PGGT1B: variants seen among roughly 807,000 people sequenced by gnomAD.
The protein encoded by PGGT1B is geranylgeranyl transferase type-1 subunit beta.
In PGGT1B, 30 loss-of-function variants were observed where a neutral mutation model predicts 46.1. The ratio of observed to expected loss-of-function variants is 0.65; its 90% confidence interval spans 0.49 to 0.88. The LOEUF (loss-of-function observed/expected upper bound fraction) is 0.88, where lower values mean the gene tolerates loss of function less well. Ranked by LOEUF, PGGT1B falls within the 40% of genes least tolerant of loss-of-function variation. The probability of loss-of-function intolerance (pLI) is 0.00; values close to 1 mark genes in which losing one functional copy is unlikely to be tolerated. For synonymous variants in PGGT1B, 170 were observed against 160.0 expected, an observed-to-expected ratio of 1.06 and a Z score of -0.47; for missense variants, 376 against 455.9, an observed-to-expected ratio of 0.82 and a Z score of 1.60.
chr5:115,235,570 T>C (rs1214590056), intron 5 of PGGT1B, among the ~76,000 whole-genome samples: 2 of 152,072 alleles, frequency 1.3e-5, no homozygotes, highest in Middle Eastern at 3.2e-3. Flanking sequence ...CCAAATACAG[T>C]GCACTGAGAA....
intron 5 of PGGT1B, chr5:115,231,871 A>G (rs1250152126): frequency 6.6e-6 from 1 of 152,074 alleles, no homozygotes; most frequent in Non-Finnish European, 1.5e-5. Flanking sequence ...AAAAAGTACA[A>G]AACTCCGTTG....
At chr5:115,252,023 G>A (rs984517334) in intron 2 of PGGT1B, among the ~76,000 whole-genome samples, 6 of 152,104 alleles carry the variant, frequency 3.9e-5, no homozygotes, top group African/African-American at 1.4e-4. Flanking sequence ...CCTGGAAAAT[G>A]AGGACCATAA....
intron 2 of PGGT1B, among the ~76,000 whole-genome samples, chr5:115,247,276 T>G (rs947231075): frequency 6.6e-6 from 1 of 151,500 alleles, no homozygotes. Flanking sequence ...ATCAGGGGAG[T>G]TGCTTTTCAT....
chr5:115,210,268 G>A lies in PGGT1B; in HGVS notation c.*2134C>T, dbSNP rs1299773831. The A allele has an allele frequency of 6.6e-6, 1 of 151,952 alleles. No homozygotes were observed. Among genetic ancestry groups the A allele is most frequent in the African/African-American group, 2.4e-5 (1 of 41,406 alleles). The allele number at this position is 151,952 out of a possible 1,614,324, so 9.4% of individuals were successfully genotyped here. ...AGGTAACAGAGCTTTTTGAGATTTC[G>A]GACTTCGTATTTTCCCTCATTACAT... is the stretch of plus-strand genomic sequence containing the variant. On this transcript the variant is annotated 3_prime_UTR_variant, in exon 9 of 9. Transcript: ENST00000419445.
At chr5:115,231,379 T>G (rs1180831155) in intron 5 of PGGT1B, among the ~76,000 whole-genome samples, 1 of 152,014 alleles carries the variant, frequency 6.6e-6, no homozygotes, top group Non-Finnish European at 1.5e-5. Context: ...TTCATACTGA[T>G]AGAACATTAT....
intron 8 of PGGT1B, among the ~76,000 whole-genome samples, chr5:115,212,996 A>T (rs935584273): frequency 6.6e-6 from 1 of 152,180 alleles, no homozygotes; most frequent in African/African-American, 2.4e-5. Flanking sequence ...AAACGAAAAC[A>T]AAACTCTGAA....
intron 5 of PGGT1B, 70 bp from the exon 6 acceptor site, chr5:115,231,091 C>T: frequency 1.3e-6 from 1 of 789,080 alleles, no homozygotes; most frequent in Non-Finnish European, 2.0e-6. Context: ...AATAAGTTGC[C>T]AATGAACTAA....
chr5:115,252,082 CTT>C (rs1489807421), intron 2 of PGGT1B, among the ~76,000 whole-genome samples: 2 of 152,068 alleles, frequency 1.3e-5, no homozygotes, highest in Non-Finnish European at 2.9e-5. Context: ...GAATAGTACT[CTT>C]AGCAGAAATT....
At chr5:115,245,576 G>C (rs1318460131) in intron 2 of PGGT1B, among the ~76,000 whole-genome samples, 3 of 152,180 alleles carry the variant, frequency 2.0e-5, no homozygotes, top group African/African-American at 7.2e-5. Context: ...GACATGTTTA[G>C]ATTGTACTTA....
At position 115,204,280 on chromosome 5, in the gene PGGT1B, C is replaced by G. The variant is rs1025162099; in HGVS notation, c.*8122G>C. ...TTGTTTAAAACACAAATGTCTAACCCTACCCCCAGAGTTTCTAATTCAGGA... is the reference window on the plus strand; with the variant it reads ...TTGTTTAAAACACAAATGTCTAACCGTACCCCCAGAGTTTCTAATTCAGGA... On this transcript the variant is annotated 3_prime_UTR_variant, in exon 9 of 9. Transcript: ENST00000419445. 2 of 152,156 alleles carry G rather than the reference C, an allele frequency of 1.3e-5. No individual in the cohort carries two copies. Among genetic ancestry groups the G allele is most frequent in the African/African-American group, 4.8e-5 (2 of 41,434 alleles). The allele number at this position is 152,156 out of a possible 1,614,324, so 9.4% of individuals were successfully genotyped here.
chr5:115,226,961 G>A (rs1756806106), intron 6 of PGGT1B, among the ~76,000 whole-genome samples: 1 of 151,972 alleles, frequency 6.6e-6, no homozygotes, highest in Non-Finnish European at 1.5e-5. Flanking sequence ...AAGTGGAAAG[G>A]AAGCATTTCA....
chr5:115,248,901 A>G (rs1249813798), intron 2 of PGGT1B, among the ~76,000 whole-genome samples: 1 of 152,210 alleles, frequency 6.6e-6, no homozygotes, highest in Non-Finnish European at 1.5e-5. Context: ...TGAAAATTAT[A>G]AAATAGTAAA....
At chr5:115,230,652 G>C (rs1403493343) in intron 6 of PGGT1B, among the ~76,000 whole-genome samples, 1 of 152,090 alleles carries the variant, frequency 6.6e-6, no homozygotes, top group Non-Finnish European at 1.5e-5. Context: ...TAGCCTTTTA[G>C]AGTTATGCCA....
At chr5:115,250,344 T>C (rs944665006) in intron 2 of PGGT1B, among the ~76,000 whole-genome samples, 3 of 152,064 alleles carry the variant, frequency 2.0e-5, no homozygotes, top group Non-Finnish European at 2.9e-5. Flanking sequence ...TGAAAATATA[T>C]AAAAGAGGAA....
chr5:115,207,359 C>T lies in PGGT1B; in HGVS notation c.*5043G>A, dbSNP rs1406680345. 3.3e-5 allele frequency: 5 copies of T among 151,388 alleles called. No individual in the cohort carries two copies. Among genetic ancestry groups the T allele is most frequent in the South Asian group, 4.2e-4 (2 of 4,804 alleles). 9.4% of individuals were successfully genotyped at this position (151,388 alleles called of 1,614,324 possible). ...TCATGAAACAGAACATTACCAGCAC[C>T]GCAGAGTCTCCCTTGTACCCTCTTT... On this transcript the variant is annotated 3_prime_UTR_variant, in exon 9 of 9. Coordinates refer to ENST00000419445, the MANE Select transcript of PGGT1B (RefSeq NM_005023.4).
At position 115,212,433 on chromosome 5, in the gene PGGT1B, T is replaced by C. The variant is rs777124866; in HGVS notation, c.1103A>G (p.Gln368Arg). The C allele has an allele frequency of 1.6e-5, 25 of 1,584,816 alleles. No homozygotes were observed. The highest frequency in any genetic ancestry group is 1.1e-4 in the East Asian group (5 of 43,588). ...GGAGATATGTACATTCTCTGAGCAT[T>C]GTTTAGAGTCCTTGGTTTTCCAGCT... ...HQSWKTKDSK[Q>R]CSENVHIST The change falls in exon 9 of 9, where the codon CAA becomes CGA. Residue 368 changes from glutamine (Q) to arginine (R), a missense_variant. This residue lies in a region of PGGT1B where 222 missense variants were observed against 313.6 expected (regional missense o/e 0.71). Coordinates refer to ENST00000419445, the MANE Select transcript of PGGT1B (RefSeq NM_005023.4).
chr5:115,246,130 T>C (rs1747822221), intron 2 of PGGT1B, among the ~76,000 whole-genome samples: 1 of 152,100 alleles, frequency 6.6e-6, no homozygotes. Flanking sequence ...GGTGGGTGGA[T>C]CACCTGAGGT....
chr5:115,217,248 C>T (rs528628668), intron 7 of PGGT1B, among the ~76,000 whole-genome samples: 9 of 151,772 alleles, frequency 5.9e-5, no homozygotes, highest in Non-Finnish European at 8.9e-5. Context: ...CAAAAGACAA[C>T]TCGAATCCAC....
intron 5 of PGGT1B, among the ~76,000 whole-genome samples, chr5:115,233,810 T>C (rs1436466083): frequency 6.6e-6 from 1 of 152,030 alleles, no homozygotes; most frequent in African/African-American, 2.4e-5. Context: ...GGTGAGGCTA[T>C]GTGAAAACAG....
Sources: allele counts gnomAD v4.1 joint callset (sites outside exome capture counted in the v4.1 genomes callset), GRCh38; gene constraint gnomAD v4.1.1; regional missense constraint gnomAD v4.1.1; transcripts MANE v1.5; gene names NCBI Gene and HGNC (gene_info 2026-07-23, HGNC 2026-07-21).